The following HS2ST1 variants were observed in gnomAD, a reference collection of about 807,000 sequenced individuals.
HS2ST1 encodes heparan sulfate 2-O-sulfotransferase 1.
In HS2ST1, 18 loss-of-function variants were observed where a neutral mutation model predicts 42.9. The observed-to-expected ratio is 0.42, with a 90% CI of 0.29 to 0.62. The LOEUF is 0.62. HS2ST1 is among the 20% of genes least tolerant of loss of function. HS2ST1 has a pLI of 0.21. For synonymous variants in HS2ST1, 146 were observed against 152.9 expected, an observed-to-expected ratio of 0.95 and a Z score of 0.33; for missense variants, 334 against 433.8, an observed-to-expected ratio of 0.77 and a Z score of 2.04.
chr1:86,960,616 C>CA (rs955720313), intron 1 of HS2ST1, among the ~76,000 whole-genome samples: 14 of 152,118 alleles, frequency 9.2e-5, no homozygotes, highest in African/African-American at 3.4e-4. Context: ...ATTAAATGGA[C>CA]AAAAAAATCT....
intron 1 of HS2ST1, chr1:87,045,024 C>A (rs775759217): frequency 5.6e-6 from 8 of 1,437,042 alleles, no homozygotes; most frequent in Admixed American, 5.0e-5. Flanking sequence ...TTTCCTCTTG[C>A]GGCTTCTCTC....
chr1:86,934,359 A>T (rs1206470290), intron 1 of HS2ST1: 1 of 152,198 alleles, frequency 6.6e-6, no homozygotes, highest in African/African-American at 2.4e-5. Flanking sequence ...TGAATCTCTG[A>T]TGGGGCACCT....
intron 1 of HS2ST1, among the ~76,000 whole-genome samples, chr1:86,966,784 T>C (rs1411467562): frequency 6.6e-6 from 1 of 152,236 alleles, no homozygotes; most frequent in Non-Finnish European, 1.5e-5. Flanking sequence ...TGTTAATTAT[T>C]TTGTTAAGAA....
rs754636445 is a variant in HS2ST1, at chr1:87,103,467, A to C, written c.722A>C (p.Lys241Thr). 1.2e-6 allele frequency: 2 copies of C among 1,611,854 alleles called. No homozygotes were observed. Among genetic ancestry groups the C allele is most frequent in the East Asian group, 4.5e-5 (2 of 44,832 alleles). ...VGSRWAMDQA[K>T]YNLINEYFLV... is the part of the protein sequence containing the mutation. ...AGCAGGTGGGCTATGGATCAAGCCAAGTATAACCTAATTAATGAATATTTT... is the reference window on the plus strand; with the variant it reads ...AGCAGGTGGGCTATGGATCAAGCCACGTATAACCTAATTAATGAATATTTT... The change falls in exon 6 of 7, where the codon AAG becomes ACG. Residue 241 changes from lysine to threonine, a missense_variant. Coordinates refer to ENST00000370550, the MANE Select transcript of HS2ST1 (RefSeq NM_012262.4).
intron 1 of HS2ST1, among the ~76,000 whole-genome samples, chr1:87,052,400 G>A (rs546328061): frequency 6.6e-6 from 1 of 152,264 alleles, no homozygotes; most frequent in East Asian, 1.9e-4. Flanking sequence ...GTTCCTAGAT[G>A]AATATCTTTA....
chr1:86,914,957 C>G lies in HS2ST1; in HGVS notation c.-80C>G. On this transcript the variant is annotated 5_prime_UTR_variant, in exon 1 of 7. Transcript: ENST00000370550. ...TTTGCCTCGCTCCCGGCTCGGCGGGCTCCTCCCGGCGTCTCTCTCGCCTCC... is the reference window on the plus strand; with the variant it reads ...TTTGCCTCGCTCCCGGCTCGGCGGGGTCCTCCCGGCGTCTCTCTCGCCTCC... 1 of 1,557,282 alleles carries G rather than the reference C, an allele frequency of 6.4e-7. No homozygotes were observed.
Position 87,104,661 on chromosome 1 carries a change from T to G in HS2ST1, c.1036T>G (p.Phe346Val), listed in dbSNP as rs144914615. 1.9e-6 allele frequency: 3 copies of G among 1,612,492 alleles called. No homozygotes were observed. The highest frequency in any genetic ancestry group is 2.5e-6 in the Non-Finnish European group (3 of 1,178,534). Residue 346 changes from phenylalanine (F) to valine (V), a missense_variant, in exon 7 of 7, where the codon TTT (phenylalanine) becomes GTT (valine). Physicochemically the swap from Phe to Val is conservative, Grantham distance 50. Coordinates refer to ENST00000370550, the MANE Select transcript of HS2ST1 (RefSeq NM_012262.4). ...AGACCTCTACATCCTCGCACAAAAC[T>G]TTTTCTATGAAAAGATTTACCCTAA... Reference protein sequence around the residue: ...DGDLYILAQNFFYEKIYPKSN With the variant: ...DGDLYILAQNVFYEKIYPKSN
intron 1 of HS2ST1, among the ~76,000 whole-genome samples, chr1:87,001,666 T>G (rs1457809480): frequency 6.6e-6 from 1 of 152,184 alleles, no homozygotes; most frequent in Non-Finnish European, 1.5e-5. Flanking sequence ...GAGTCGGGAG[T>G]GCAATGGCAC....
At chr1:87,021,065 G>T (rs765443084) in intron 1 of HS2ST1, among the ~76,000 whole-genome samples, 3 of 152,092 alleles carry the variant, frequency 2.0e-5, no homozygotes, top group African/African-American at 2.4e-5. Context: ...TGGGAAGTTA[G>T]TCAAGAGGTA....
At chr1:86,956,774 C>T (rs1017631750) in intron 1 of HS2ST1, among the ~76,000 whole-genome samples, 1 of 152,122 alleles carries the variant, frequency 6.6e-6, no homozygotes, top group African/African-American at 2.4e-5. Context: ...CTCGATGCAT[C>T]TCTGTTGTAA....
chr1:86,960,640 G>A lies in HS2ST1; in HGVS notation c.124+45480G>A, dbSNP rs192934886. 3.4e-3 allele frequency among the ~76,000 whole-genome samples: 518 copies of A among 152,298 alleles called. 5 individuals carry two copies. The highest frequency in any genetic ancestry group is 6.8e-3 in the Middle Eastern group (2 of 294). Reference sequence around the variant, plus strand: ...ACAAAAAAATCTGAACCTCCTTGGAGAAGATATACAGATGGCAAGCAAGCA... The same window carrying A: ...ACAAAAAAATCTGAACCTCCTTGGAAAAGATATACAGATGGCAAGCAAGCA... On this transcript the variant is annotated intron_variant, in intron 1 of 6. Coordinates refer to ENST00000370550, the MANE Select transcript of HS2ST1 (RefSeq NM_012262.4).
chr1:87,054,422 A>G (rs544793207), intron 1 of HS2ST1, among the ~76,000 whole-genome samples: 6 of 152,306 alleles, frequency 3.9e-5, no homozygotes, highest in Admixed American at 1.3e-4. Flanking sequence ...TGCTTCCCCA[A>G]GAGGAAATGC....
intron 1 of HS2ST1, among the ~76,000 whole-genome samples, chr1:87,010,987 T>C (rs773579861): frequency 1.3e-5 from 2 of 152,136 alleles, no homozygotes; most frequent in Non-Finnish European, 2.9e-5. Context: ...GGTTTCACCA[T>C]GTTGGCCAGG....
At position 87,009,429 on chromosome 1, in the gene HS2ST1, A is replaced by T. The variant is rs566710292; in HGVS notation, c.125-63505A>T. Among the ~76,000 whole-genome samples, 5 of 152,370 alleles carry T rather than the reference A, an allele frequency of 3.3e-5. No homozygotes were observed. The South Asian group carries it at 1.0e-3, about 32-fold the overall frequency. On this transcript the variant is annotated intron_variant, in intron 1 of 6. Transcript: ENST00000370550. ...GTAGTTCCCTGACATACAACTAGCC[A>T]GTTAGCCAGTACTAACAAACACAGA...
chr1:87,092,805 T>C (rs1162611328), intron 4 of HS2ST1, 136 bp downstream of exon 4: 7 of 457,002 alleles, frequency 1.5e-5, no homozygotes, highest in Non-Finnish European at 2.5e-5. Flanking sequence ...ACCCAAAATA[T>C]AAAGAAGCAA....
chr1:86,935,570 C>T (rs1474488907), intron 1 of HS2ST1, among the ~76,000 whole-genome samples: 1 of 140,592 alleles, frequency 7.1e-6, no homozygotes, highest in Non-Finnish European at 1.5e-5. Context: ...GTAAGTGATT[C>T]TCGTGTCTCA....
intron 5 of HS2ST1, among the ~76,000 whole-genome samples, chr1:87,100,072 C>T (rs141081755): frequency 2.6e-5 from 4 of 152,272 alleles, no homozygotes; most frequent in East Asian, 3.9e-4. Context: ...CCAGGCAAAG[C>T]GTGCAAGCCG....
chr1:87,086,197 G>A (rs1651812048), intron 3 of HS2ST1, among the ~76,000 whole-genome samples: 2 of 152,068 alleles, frequency 1.3e-5, no homozygotes, highest in South Asian at 4.1e-4. Flanking sequence ...GTCGTTCCTG[G>A]GGTATGTCCA....
At chr1:86,954,559 T>C (rs896074708) in intron 1 of HS2ST1, among the ~76,000 whole-genome samples, 1 of 152,212 alleles carries the variant, frequency 6.6e-6, no homozygotes, top group African/African-American at 2.4e-5. Flanking sequence ...ATATCCTGTA[T>C]AGGATCAGTA....
Sources: gnomAD v4.1 joint callset for allele counts (sites outside exome capture counted in the v4.1 genomes callset) on GRCh38, gnomAD v4.1.1 for gene constraint, MANE v1.5 for transcripts, NCBI Gene and HGNC (gene_info 2026-07-23, HGNC 2026-07-21) for gene names.